The following ZNF248 variants were observed in gnomAD, a reference collection of about 807,000 sequenced individuals.
ZNF248 encodes KRAB protein domain.
ZNF248 carries 20 observed loss-of-function variants against 44.3 expected under a neutral mutation model. That is an observed-to-expected ratio of 0.45 (90% CI 0.32 to 0.66). The LOEUF is 0.66. Ranked by LOEUF, ZNF248 falls within the 30% of genes least tolerant of loss-of-function variation. The pLI is 0.04. For missense variants in ZNF248, 654 were observed against 677.0 expected (o/e 0.97, Z 0.38); for synonymous variants, 224 against 229.0 (o/e 0.98, Z 0.20).
In ZNF248 at chr10:37,830,873, T is replaced by C. The variant is rs1025079214; in HGVS notation, c.*742A>G. ...GGAAGTGATGAGTGCTGAGTATTTATTACCTTTGTTTTTAACTGTAAGTTT... is the reference window on the plus strand; with the variant it reads ...GGAAGTGATGAGTGCTGAGTATTTACTACCTTTGTTTTTAACTGTAAGTTT... On this transcript the variant is annotated 3_prime_UTR_variant, in exon 6 of 6. Transcript: ENST00000395867. 2 of 201,104 alleles carry C rather than the reference T, an allele frequency of 9.9e-6. No homozygotes were observed. The highest frequency in any genetic ancestry group is 4.7e-5 in the African/African-American group (2 of 42,282). 12.5% of individuals were successfully genotyped at this position (201,104 alleles called of 1,614,324 possible).
At chr10:37,763,757 T>C in the ZNF248 span, among the ~76,000 whole-genome samples, 1 of 152,216 alleles carries the variant, frequency 6.6e-6, no homozygotes, top group Non-Finnish European at 1.5e-5. Context: ...AGAACATAAA[T>C]TGTGAAGATT....
the ZNF248 span, among the ~76,000 whole-genome samples, chr10:37,766,056 C>A: frequency 6.5e-4 from 99 of 152,228 alleles, no homozygotes; most frequent in Non-Finnish European, 1.0e-3. Flanking sequence ...AGCAACGCTG[C>A]GGGAGGGGCG....
In ZNF248 at chr10:37,837,987, A is replaced by C; in HGVS notation, c.140T>G (p.Val47Gly). 1 of 1,613,140 alleles carries C rather than the reference A, an allele frequency of 6.2e-7. No individual in the cohort carries two copies. The change falls in exon 4 of 6, where the codon GTA becomes GGA. Residue 47 changes from valine to glycine, a missense_variant and splice_region_variant. Coordinates refer to ENST00000395867, the MANE Select transcript of ZNF248 (RefSeq NM_021045.3). ...ATGTGCGGAAAAAAACTCCTTACCT[A>C]CTGAGACAAGATTGCTATAATTTTC... ...ILENYSNLVS[V>G]GYCITKPEVI...
At chr10:37,845,645 A>G (rs1341287285) in intron 3 of ZNF248, among the ~76,000 whole-genome samples, 1 of 152,164 alleles carries the variant, frequency 6.6e-6, no homozygotes, top group Non-Finnish European at 1.5e-5. Flanking sequence ...GATATGCATT[A>G]TAAGAAACAT....
At chr10:37,767,413 A>C in the ZNF248 span, among the ~76,000 whole-genome samples, 1 of 152,364 alleles carries the variant, frequency 6.6e-6, no homozygotes, top group South Asian at 2.1e-4. Context: ...CCATCAGACT[A>C]ACAGCAGATC....
At position 37,792,621 on chromosome 10, in the gene ZNF248, C is replaced by A. The variant is rs1188281087; in HGVS notation, c.331-16046G>T. ...AAAGTTAGCACCATCAGCCAACAGT[C>A]ATGTTGGTATCATGCACACCATCAT... On this transcript the variant is annotated intron_variant, in intron 6 of 6. Coordinates refer to the ZNF248 transcript ENST00000615949. Among the ~76,000 whole-genome samples, 4 of 152,172 alleles carry A rather than the reference C, an allele frequency of 2.6e-5. No individual in the cohort carries two copies. The East Asian group carries it at 7.7e-4, about 29-fold the overall frequency.
intron 3 of ZNF248, among the ~76,000 whole-genome samples, chr10:37,849,948 G>A (rs991196540): frequency 1.3e-5 from 2 of 152,004 alleles, no homozygotes; most frequent in Non-Finnish European, 2.9e-5. Flanking sequence ...GCAGGTGCCT[G>A]TAATCCCAGC....
rs2055711235 is a variant in ZNF248, at chr10:37,831,766, CAGA to C, written c.1586_1588del (p.Phe529del). On this transcript the variant is annotated inframe_deletion, in exon 6 of 6. Coordinates refer to ENST00000395867, the MANE Select transcript of ZNF248 (RefSeq NM_021045.3). ...ATGTTTAGTGAGAGCTGATTTTTCA[CAGA>C]AGGTTTTCCCACATTCATTACACTT... is the stretch of plus-strand genomic sequence containing the variant. 3.7e-6 allele frequency: 6 copies of C among 1,613,286 alleles called. No homozygotes were observed. Among genetic ancestry groups the C allele is most frequent in the Admixed American group, 1.7e-5 (1 of 59,958 alleles).
the ZNF248 span, among the ~76,000 whole-genome samples, chr10:37,759,691 T>C: frequency 5.9e-5 from 9 of 152,190 alleles, no homozygotes; most frequent in Non-Finnish European, 1.3e-4. Context: ...GGTTAGAATG[T>C]TGCTCAGTCA....
intron 3 of ZNF248, among the ~76,000 whole-genome samples, chr10:37,850,844 C>G (rs1369025930): frequency 6.6e-6 from 1 of 151,778 alleles, no homozygotes; most frequent in Non-Finnish European, 1.5e-5. Flanking sequence ...ACATATAAAA[C>G]TATATAATTT....
chr10:37,851,849 A>C (rs964950495), intron 3 of ZNF248, among the ~76,000 whole-genome samples: 3 of 151,670 alleles, frequency 2.0e-5, no homozygotes, highest in Admixed American at 6.6e-5. Flanking sequence ...TCATGCGTAC[A>C]GTGGCTAGCG....
chr10:37,847,744 T>C (rs2059565573), intron 3 of ZNF248, among the ~76,000 whole-genome samples: 1 of 152,236 alleles, frequency 6.6e-6, no homozygotes, highest in African/African-American at 2.4e-5. Context: ...AAAAAAATTA[T>C]CTTGAATTTG....
intron 6 of ZNF248, among the ~76,000 whole-genome samples, chr10:37,807,192 TA>T (rs2050707886): frequency 6.6e-6 from 1 of 152,102 alleles, no homozygotes; most frequent in Non-Finnish European, 1.5e-5. Flanking sequence ...ATGGTCTTGG[TA>T]CCCGTGTCTA....
intron 6 of ZNF248, among the ~76,000 whole-genome samples, chr10:37,785,732 A>T (rs2047809337): frequency 6.6e-6 from 1 of 152,172 alleles, no homozygotes; most frequent in Non-Finnish European, 1.5e-5. Context: ...ATGATGGGGA[A>T]ATCCTCCCAA....
intron 6 of ZNF248, among the ~76,000 whole-genome samples, chr10:37,784,489 G>A (rs1282852683): frequency 1.3e-5 from 2 of 152,214 alleles, no homozygotes; most frequent in Non-Finnish European, 2.9e-5. Context: ...TAAATCAGAA[G>A]CAATATCAAT....
chr10:37,798,169 T>C (rs2049373838), intron 6 of ZNF248, among the ~76,000 whole-genome samples: 1 of 152,096 alleles, frequency 6.6e-6, no homozygotes, highest in African/African-American at 2.4e-5. Context: ...CTACAATAAA[T>C]GAATCTTGAA....
chr10:37,828,367 C>T (rs2133806047), downstream of ZNF248, among the ~76,000 whole-genome samples: 1 of 152,270 alleles, frequency 6.6e-6, no homozygotes, highest in East Asian at 1.9e-4. Flanking sequence ...TAGCCATCTT[C>T]TTTTCTTTTT....
chr10:37,769,151 G>T, the ZNF248 span, among the ~76,000 whole-genome samples: 1 of 152,168 alleles, frequency 6.6e-6, no homozygotes, highest in Non-Finnish European at 1.5e-5. Flanking sequence ...ACCAAAAAAA[G>T]TCCAGAACCA....
rs914760921 is a variant in ZNF248, at chr10:37,820,564, G to C, written c.330+12461C>G. 8.1e-6 allele frequency: 13 copies of C among 1,601,372 alleles called. No homozygotes were observed. In the East Asian group the frequency reaches 2.7e-4, roughly 33 times the overall value. On this transcript the variant is annotated intron_variant, in intron 6 of 6. Transcript: ENST00000615949. Reference sequence around the variant, plus strand: ...TTCTGCCAGGGCTGGTCCCTGGCCCGCTTCCCCCAGCAAACTCAAAGTAAT... The same window carrying C: ...TTCTGCCAGGGCTGGTCCCTGGCCCCCTTCCCCCAGCAAACTCAAAGTAAT...
Sources: allele counts gnomAD v4.1 joint callset (sites outside exome capture counted in the v4.1 genomes callset), GRCh38; gene constraint gnomAD v4.1.1; transcripts MANE v1.5; gene names NCBI Gene and HGNC (gene_info 2026-07-23, HGNC 2026-07-21).